Variants in SHPK observed in about 807,000 individuals in gnomAD.
SHPK encodes the protein carbohydrate kinase-like protein.
Under a neutral mutation model 46.3 loss-of-function variants are expected in SHPK, and 51 were observed. That is an observed-to-expected ratio of 1.10 (90% CI 0.88 to 1.39). The LOEUF (loss-of-function observed/expected upper bound fraction) is 1.39. Among genes scored for constraint, SHPK ranks in the 40% most tolerant of loss-of-function variants. The pLI is 0.00. For missense variants in SHPK, 668 were observed against 641.3 expected (o/e 1.04, Z -0.45); for synonymous variants, 290 against 273.9 (o/e 1.06, Z -0.58).
At chr17:3,635,470 C>CAA (rs1358222456) in intron 1 of SHPK, among the ~76,000 whole-genome samples, 2 of 152,136 alleles carry the variant, frequency 1.3e-5, no homozygotes, top group Non-Finnish European at 2.9e-5. Context: ...CTCCTGACCT[C>CAA]GTGATCCGCC....
chr17:3,624,431 A>G (rs1380788879), intron 2 of SHPK, among the ~76,000 whole-genome samples, 200 bp from the exon 3 acceptor site: 7 of 152,060 alleles, frequency 4.6e-5, no homozygotes, highest in Admixed American at 4.6e-4. Context: ...TGGGCACGTC[A>G]CATACTCCCT....
intron 5 of SHPK, 101 bp from the exon 6 acceptor site, chr17:3,615,638 G>T: frequency 1.1e-6 from 1 of 894,480 alleles, no homozygotes; most frequent in South Asian, 1.6e-5. Flanking sequence ...GGTTAACTCA[G>T]AGGTCACAAG....
chr17:3,627,913 C>T (rs1371896003), intron 2 of SHPK, among the ~76,000 whole-genome samples: 2 of 152,046 alleles, frequency 1.3e-5, no homozygotes, highest in East Asian at 3.9e-4. Context: ...CCCTAATCGC[C>T]TTCTGCTCCC....
intron 6 of SHPK, among the ~76,000 whole-genome samples, chr17:3,612,560 T>G (rs975789913): frequency 9.2e-5 from 14 of 152,230 alleles, no homozygotes; most frequent in African/African-American, 3.4e-4. Context: ...CAGGGTTTCT[T>G]GAGAGCACTG....
At position 3,636,188 on chromosome 17, in the gene SHPK, T is replaced by C. The variant is rs1466392894; in HGVS notation, c.32A>G (p.Asp11Gly). 1.9e-6 allele frequency: 3 copies of C among 1,609,904 alleles called. No homozygotes were observed. The highest frequency in any genetic ancestry group is 1.3e-5 in the African/African-American group (1 of 74,682). Residue 11 changes from aspartate to glycine, a missense_variant, in exon 1 of 7, where the codon GAC (aspartate) becomes GGC (glycine). Physicochemically the swap from Asp to Gly is moderately conservative, Grantham distance 94. Coordinates refer to ENST00000225519, the MANE Select transcript of SHPK (RefSeq NM_013276.4). MAARPITLGI[D>G]LGTTSVKAAL... Reference sequence around the variant, plus strand: ...TGCCTTCACAGATGTGGTGCCCAGGTCAATGCCGAGGGTGATCGGCCGCGC... The same window carrying C: ...TGCCTTCACAGATGTGGTGCCCAGGCCAATGCCGAGGGTGATCGGCCGCGC...
At chr17:3,622,264 T>G (rs1333605506) in intron 4 of SHPK, among the ~76,000 whole-genome samples, 3 of 152,218 alleles carry the variant, frequency 2.0e-5, no homozygotes, top group African/African-American at 7.2e-5. Context: ...TTAGGCTTTG[T>G]CAATAGAGTA....
At chr17:3,619,748 A>T (rs2075389151) in intron 5 of SHPK, 53 of 377,438 alleles carry the variant, frequency 1.4e-4, no homozygotes, top group South Asian at 7.9e-4. Context: ...AAAAAAAAAA[A>T]TTTGGAAGAA....
chr17:3,624,702 G>T (rs2075422664), intron 2 of SHPK, among the ~76,000 whole-genome samples: 1 of 151,948 alleles, frequency 6.6e-6, no homozygotes, highest in South Asian at 2.1e-4. Flanking sequence ...CCCCCAGGTT[G>T]GAATGCAGTG....
intron 1 of SHPK, among the ~76,000 whole-genome samples, chr17:3,633,727 A>T (rs2075487977): frequency 6.6e-6 from 1 of 152,148 alleles, no homozygotes; most frequent in African/African-American, 2.4e-5. Flanking sequence ...CTGGGAAGTG[A>T]GGAGCCCCTC....
intron 1 of SHPK, among the ~76,000 whole-genome samples, chr17:3,633,160 T>C (rs2075483580): frequency 6.6e-6 from 1 of 151,090 alleles, no homozygotes; most frequent in Non-Finnish European, 1.5e-5. Context: ...TGTTATTTTG[T>C]AGTAGAGACA....
intron 5 of SHPK, chr17:3,619,953 G>GA (rs1002532701): frequency 1.6e-5 from 3 of 184,402 alleles, no homozygotes; most frequent in Non-Finnish European, 2.3e-5. Flanking sequence ...TTAAATGGTT[G>GA]AAAAAAAATT....
intron 2 of SHPK, among the ~76,000 whole-genome samples, chr17:3,626,123 T>A (rs2075435427): frequency 6.6e-6 from 1 of 152,180 alleles, no homozygotes; most frequent in African/African-American, 2.4e-5. Context: ...TTGAAAAAAA[T>A]CTAATGTCAA....
chr17:3,622,704 TTC>T (rs2075409985), intron 4 of SHPK: 4 of 352,174 alleles, frequency 1.1e-5, no homozygotes, highest in South Asian at 2.8e-4. Flanking sequence ...TAGTTCTTTT[TTC>T]TTTTTTTTTT....
rs1461130992 is a variant in SHPK, at chr17:3,610,803, C to G, written c.1194G>C (p.Val398=). The G allele has an allele frequency of 6.2e-7, 1 of 1,614,202 alleles. No individual in the cohort carries two copies. Among genetic ancestry groups the G allele is most frequent in the African/African-American group, 1.3e-5 (1 of 75,070 alleles). The part of the protein sequence containing the change: ...ISSSDLSLGH[V]TRALCRGIVQ... ...CAATGCCTCGGCACAGAGCCCGGGT[C>G]ACGTGCCCCAGGGAGAGGTCGGAGG... Residue 398 remains valine, a synonymous_variant, in exon 7 of 7, where the codon GTG becomes GTC. Transcript: ENST00000225519.
intron 1 of SHPK, among the ~76,000 whole-genome samples, chr17:3,630,806 G>A (rs2150875124): frequency 6.6e-6 from 1 of 152,304 alleles, no homozygotes; most frequent in East Asian, 1.9e-4. Flanking sequence ...GGAGGTTGCG[G>A]TGAGCCGAGA....
At chr17:3,616,141 C>G (rs778552027) in intron 5 of SHPK, among the ~76,000 whole-genome samples, 2 of 152,088 alleles carry the variant, frequency 1.3e-5, no homozygotes, top group African/African-American at 4.8e-5. Flanking sequence ...TGTGAGCCAC[C>G]GTGCCCGGCC....
intron 2 of SHPK, among the ~76,000 whole-genome samples, chr17:3,626,223 A>C (rs73305324): frequency 6.6e-5 from 10 of 152,310 alleles, no homozygotes; most frequent in African/African-American, 2.2e-4. Flanking sequence ...GTTCACTAGA[A>C]TATATCTAGC....
At chr17:3,618,188 C>G (rs541786470) in intron 5 of SHPK, among the ~76,000 whole-genome samples, 28 of 152,200 alleles carry the variant, frequency 1.8e-4, no homozygotes, top group African/African-American at 6.7e-4. Context: ...CTCACAGCAA[C>G]TTCTGCCTCC....
At chr17:3,633,403 T>A (rs1352805746) in intron 1 of SHPK, among the ~76,000 whole-genome samples, 2 of 150,964 alleles carry the variant, frequency 1.3e-5, no homozygotes, top group Non-Finnish European at 3.0e-5. Context: ...GTGGCTGGCA[T>A]CTAGTGGGCC....
Sources: allele counts gnomAD v4.1 joint callset (sites outside exome capture counted in the v4.1 genomes callset), GRCh38; gene constraint gnomAD v4.1.1; transcripts MANE v1.5; gene names NCBI Gene and HGNC (gene_info 2026-07-23, HGNC 2026-07-21).